INPP5A: variants seen among roughly 807,000 people sequenced by gnomAD.
INPP5A encodes the protein 43 kDa inositol polyphosphate 5-phophatase.
Under a neutral mutation model 65.2 loss-of-function variants are expected in INPP5A, and 14 were observed. That is an observed-to-expected ratio of 0.21 (90% confidence interval 0.14 to 0.34). INPP5A has a LOEUF of 0.34. Among genes scored for constraint, INPP5A ranks in the 10% least tolerant of loss-of-function variants. The pLI is 1.00. For missense variants in INPP5A, 431 were observed against 545.6 expected (o/e 0.79, Z 2.09); for synonymous variants, 207 against 208.3 (o/e 0.99, Z 0.05).
Position 132,690,562 on chromosome 10 carries a change from G to A in INPP5A, c.370+107G>A. On this transcript the variant is annotated intron_variant, in intron 5 of 15. Transcript: ENST00000368594. ...CTGTCTCTGTGAGTGGCCACTGTGG[G>A]CTGGGTGTCTTGAGCCACTGTCCAG... 3 of 827,038 alleles carry A rather than the reference G, an allele frequency of 3.6e-6. No homozygotes were observed. The South Asian group carries it at 4.4e-5, about 12-fold the overall frequency. The allele number at this position is 827,038 out of a possible 1,614,324, so 51.2% of individuals were successfully genotyped here.
intron 11 of INPP5A, among the ~76,000 whole-genome samples, chr10:132,757,616 T>C (rs1355833211): frequency 6.6e-6 from 1 of 152,256 alleles, no homozygotes; most frequent in Non-Finnish European, 1.5e-5. Context: ...ACTGTGTGTG[T>C]GCAGAACCCT....
intron 5 of INPP5A, among the ~76,000 whole-genome samples, chr10:132,694,020 A>G (rs1463589718): frequency 6.6e-6 from 1 of 152,210 alleles, no homozygotes; most frequent in Non-Finnish European, 1.5e-5. Flanking sequence ...AGCACCATCA[A>G]ACAAATTGAT....
chr10:132,623,487 A>G (rs752297550), intron 2 of INPP5A, among the ~76,000 whole-genome samples: 19 of 152,198 alleles, frequency 1.2e-4, no homozygotes, highest in Non-Finnish European at 2.1e-4. Context: ...CATACACAAA[A>G]ATTAACTCAA....
intron 11 of INPP5A, among the ~76,000 whole-genome samples, chr10:132,764,098 G>T (rs576768287): frequency 6.6e-6 from 1 of 152,270 alleles, no homozygotes; most frequent in Admixed American, 6.5e-5. Flanking sequence ...TAGGAGGCAG[G>T]AGGCAGTGGG....
At chr10:132,596,950 T>TGCGC (rs1564929077) in intron 1 of INPP5A, among the ~76,000 whole-genome samples, 12 of 143,374 alleles carry the variant, frequency 8.4e-5, no homozygotes, top group African/African-American at 2.3e-4. Context: ...TGTGCGTGTG[T>TGCGC]GCACACATGT....
Position 132,726,858 on chromosome 10 carries a change from G to C in INPP5A, c.685G>C (p.Val229Leu), listed in dbSNP as rs758903626. 6.2e-7 allele frequency: 1 copy of C among 1,610,892 alleles called. No individual in the cohort carries two copies. Among genetic ancestry groups the C allele is most frequent in the African/African-American group, 1.3e-5 (1 of 74,940 alleles). Residue 229 changes from valine (V) to leucine (L), a missense_variant, in exon 9 of 16, where the codon GTA (valine) becomes CTA (leucine). Coordinates refer to ENST00000368594, the MANE Select transcript of INPP5A (RefSeq NM_005539.5). The stretch of plus-strand genomic sequence containing the variant: ...GCGATTCGAGAAGGTTTCCTACTTT[G>C]TATTTGGTGATTTCAACTTCCGGCT... ...DQRFEKVSYF[V>L]FGDFNFRLDS...
intron 2 of INPP5A, among the ~76,000 whole-genome samples, chr10:132,621,040 T>A (rs1402889747): frequency 6.6e-6 from 1 of 152,238 alleles, no homozygotes; most frequent in Non-Finnish European, 1.5e-5. Flanking sequence ...TCTCAGTAGA[T>A]GCAGAAAACG....
At chr10:132,756,717 C>T (rs942569203) in intron 11 of INPP5A, among the ~76,000 whole-genome samples, 1 of 151,368 alleles carries the variant, frequency 6.6e-6, no homozygotes, top group Non-Finnish European at 1.5e-5. Flanking sequence ...TAATGCACTC[C>T]TTCTACTTAA....
rs1042679957 is a variant in INPP5A at position 132,650,126 on chromosome 10, C to T, written c.219-292C>T. Among the ~76,000 whole-genome samples the T allele has an allele frequency of 2.6e-5, 4 of 152,168 alleles. No individual in the cohort carries two copies. The highest frequency in any genetic ancestry group is 5.9e-5 in the Non-Finnish European group (4 of 68,018). On this transcript the variant is annotated intron_variant, in intron 3 of 15. Coordinates refer to ENST00000368594, the MANE Select transcript of INPP5A (RefSeq NM_005539.5). The surrounding 1 kb of genome is among the most constrained non-coding windows in gnomAD (Gnocchi z 5.5). ...GAGTTGCGCTTCCCTGGCATGAGAC[C>T]TTGGGTGAGTTCTCAATGTCTCCAT...
chr10:132,570,387 C>T (rs768566671), intron 1 of INPP5A, among the ~76,000 whole-genome samples: 13 of 152,198 alleles, frequency 8.5e-5, no homozygotes, highest in Non-Finnish European at 1.2e-4. Flanking sequence ...TCATCTCTGG[C>T]CCTGGGAAGC....
At chr10:132,655,008 A>G (rs1386686203) in intron 4 of INPP5A, among the ~76,000 whole-genome samples, 1 of 152,262 alleles carries the variant, frequency 6.6e-6, no homozygotes, top group East Asian at 1.9e-4. Flanking sequence ...CACGCCGGTA[A>G]TCCCAGCACT....
At position 132,537,905 on chromosome 10, in the gene INPP5A, G is replaced by T; in HGVS notation, c.-192G>T. The T allele has an allele frequency of 4.7e-6, 1 of 213,230 alleles. No individual in the cohort carries two copies. The highest frequency in any genetic ancestry group is 9.3e-6 in the Non-Finnish European group (1 of 108,042). The allele number at this position is 213,230 out of a possible 1,614,324, so 13.2% of individuals were successfully genotyped here. ...GACGGGCGCGGGGCCGCGGAGCAGCGAGCGAGCGAGCGAGCGCGAGGCCGG... is the reference window on the plus strand; with the variant it reads ...GACGGGCGCGGGGCCGCGGAGCAGCTAGCGAGCGAGCGAGCGCGAGGCCGG... On this transcript the variant is annotated 5_prime_UTR_variant, in exon 1 of 16. Transcript: ENST00000368594.
At chr10:132,593,626 T>A (rs2071646664) in intron 1 of INPP5A, among the ~76,000 whole-genome samples, 2 of 152,250 alleles carry the variant, frequency 1.3e-5, no homozygotes, top group Admixed American at 1.3e-4. Flanking sequence ...CAGTCTCTTC[T>A]TGCTGGTGTG....
chr10:132,641,854 T>C (rs1347153543), intron 2 of INPP5A, among the ~76,000 whole-genome samples: 1 of 152,252 alleles, frequency 6.6e-6, no homozygotes, highest in Non-Finnish European at 1.5e-5. Flanking sequence ...CTGTTGCAGA[T>C]GTGTGGGAAC....
intron 1 of INPP5A, among the ~76,000 whole-genome samples, chr10:132,562,504 G>A (rs1488706290): frequency 6.6e-6 from 1 of 152,234 alleles, no homozygotes; most frequent in Admixed American, 6.5e-5. Flanking sequence ...GTGCAGCCTC[G>A]GCTCCCTGCA....
chr10:132,605,104 T>C (rs1035813212), intron 1 of INPP5A, among the ~76,000 whole-genome samples: 3 of 145,964 alleles, frequency 2.1e-5, no homozygotes, highest in Non-Finnish European at 4.5e-5. Context: ...GGGAGATCCC[T>C]GAGGAGGGAG....
chr10:132,648,477 C>T (rs941592999), intron 3 of INPP5A, among the ~76,000 whole-genome samples: 1 of 152,252 alleles, frequency 6.6e-6, no homozygotes, highest in African/African-American at 2.4e-5. Context: ...CAGTGCCCTC[C>T]GCCCTTTTGT....
intron 1 of INPP5A, among the ~76,000 whole-genome samples, chr10:132,596,907 ATGTGTGCATG>A (rs1442900683): frequency 1.9e-4 from 11 of 57,872 alleles, no homozygotes; most frequent in East Asian, 9.9e-4. Flanking sequence ...GCTCCTGTGC[ATGTGTGCATG>A]TGTGCGCGCA....
intron 1 of INPP5A, among the ~76,000 whole-genome samples, chr10:132,584,153 C>T (rs2133303847): frequency 6.6e-6 from 1 of 152,350 alleles, no homozygotes; most frequent in South Asian, 2.1e-4. Context: ...AGCTGTTGAC[C>T]TGTAATGTTG....
Sources: gnomAD v4.1 joint callset for allele counts (sites outside exome capture counted in the v4.1 genomes callset) on GRCh38, gnomAD v4.1.1 for gene constraint, Gnocchi (gnomAD v3.1) non-coding constraint, MANE v1.5 for transcripts, NCBI Gene and HGNC (gene_info 2026-07-23, HGNC 2026-07-21) for gene names.